AKAP9: variants seen among roughly 807,000 people sequenced by gnomAD.
AKAP9 encodes the protein A-kinase anchoring protein 9, also known as A-kinase anchor protein 9.
In AKAP9, 311 loss-of-function variants were observed where a neutral mutation model predicts 488.5. The ratio of observed to expected loss-of-function variants is 0.64; its 90% CI spans 0.58 to 0.70. AKAP9 has a LOEUF of 0.70. AKAP9 is among the 30% of genes least tolerant of loss of function. The pLI is 0.00. For synonymous variants in AKAP9, 1,462 were observed against 1,483.5 expected (o/e 0.99, Z 0.33); for missense variants, 4,215 against 4,374.5 (o/e 0.96, Z 1.03).
rs776314770 is a variant in AKAP9 at position 92,084,948 on chromosome 7, A to G, written c.8832+8A>G. 6.2e-7 allele frequency: 1 copy of G among 1,612,258 alleles called. No individual in the cohort carries two copies. Among genetic ancestry groups the G allele is most frequent in the East Asian group, 2.2e-5 (1 of 44,754 alleles). Reference sequence around the variant, plus strand: ...TTTCCAAAGAAAATAAAGGTACTAAAAGATAGATACCTTTTATTAACTCAG... The same window carrying G: ...TTTCCAAAGAAAATAAAGGTACTAAGAGATAGATACCTTTTATTAACTCAG... On this transcript the variant is annotated splice_region_variant and intron_variant, in intron 35 of 49. Coordinates refer to ENST00000356239, the MANE Select transcript of AKAP9 (RefSeq NM_005751.5).
In AKAP9 at chr7:92,110,273, TTA is replaced by T; in HGVS notation, c.*116_*117del. On this transcript the variant is annotated 3_prime_UTR_variant, in exon 50 of 50. Transcript: ENST00000356239. Reference sequence around the variant, plus strand: ...TCAATGGGACCAATATGAACACAGCTTATGATTGTATACAAATCCCTTGCCAG... The same window carrying T: ...TCAATGGGACCAATATGAACACAGCTTGATTGTATACAAATCCCTTGCCAG... 1 of 852,140 alleles carries T rather than the reference TTA, an allele frequency of 1.2e-6. No homozygotes were observed. Among genetic ancestry groups the T allele is most frequent in the Non-Finnish European group, 1.9e-6 (1 of 522,466 alleles). The allele number at this position is 852,140 out of a possible 1,614,324, so 52.8% of individuals were successfully genotyped here.
rs1562918532 is a variant in AKAP9, at chr7:91,973,700, T to C, written c.49-11T>C. 1.9e-6 allele frequency: 3 copies of C among 1,613,256 alleles called. No individual in the cohort carries two copies. The highest frequency in any genetic ancestry group is 2.2e-5 in the East Asian group (1 of 44,862). Reference sequence around the variant, plus strand: ...ATCTTTGACAATAACGGTTATTTTCTTTTTTCTTAGCTTGCCCAGTTTCGA... The same window carrying C: ...ATCTTTGACAATAACGGTTATTTTCCTTTTTCTTAGCTTGCCCAGTTTCGA... On this transcript the variant is annotated splice_polypyrimidine_tract_variant and intron_variant, in intron 1 of 49. Transcript: ENST00000356239.
At chr7:92,021,639 A>G (rs756634265) in intron 12 of AKAP9, among the ~76,000 whole-genome samples, 8 of 151,972 alleles carry the variant, frequency 5.3e-5, no homozygotes, top group Non-Finnish European at 1.2e-4. Flanking sequence ...GGGTTTCACT[A>G]TGTTGGCCAG....
intron 21 of AKAP9, among the ~76,000 whole-genome samples, chr7:92,046,867 C>T (rs1432742023): frequency 1.3e-5 from 2 of 152,146 alleles, no homozygotes; most frequent in African/African-American, 4.8e-5. Context: ...AGGTTGACTG[C>T]CATATTCAGA....
intron 16 of AKAP9, among the ~76,000 whole-genome samples, chr7:92,033,557 C>T (rs1584240837): frequency 1.3e-5 from 2 of 151,698 alleles, no homozygotes; most frequent in South Asian, 4.2e-4. Flanking sequence ...GCCATCCTCC[C>T]ACCTGAGCCT....
At position 92,079,762 on chromosome 7, in the gene AKAP9, A is replaced by G. The variant is rs1813208943; in HGVS notation, c.7629A>G (p.Leu2543=). ...TEMLQKKIVN[L]QKIVEEKVAA... is the part of the protein sequence containing the mutation. ...TGCTTCAAAAGAAGATTGTAAACCT[A>G]CAGAAAATAGTTGAAGAAAAAGTGG... Residue 2543 remains leucine, a synonymous_variant, in exon 31 of 50, where the codon CTA becomes CTG. Coordinates refer to ENST00000356239, the MANE Select transcript of AKAP9 (RefSeq NM_005751.5). 2 of 1,614,002 alleles carry G rather than the reference A, an allele frequency of 1.2e-6. No homozygotes were observed. The highest frequency in any genetic ancestry group is 1.3e-5 in the African/African-American group (1 of 74,936).
chr7:91,977,619 T>A (rs1795873058), intron 2 of AKAP9, among the ~76,000 whole-genome samples: 2 of 152,210 alleles, frequency 1.3e-5, no homozygotes, highest in South Asian at 4.1e-4. Flanking sequence ...ATATCTGTGT[T>A]CCTCAGGGAC....
At chr7:92,049,359 C>T (rs1346749846) in intron 21 of AKAP9, among the ~76,000 whole-genome samples, 1 of 152,098 alleles carries the variant, frequency 6.6e-6, no homozygotes, top group South Asian at 2.1e-4. Context: ...CACCTGTAAT[C>T]GCAGCACTTT....
intron 1 of AKAP9, among the ~76,000 whole-genome samples, chr7:91,955,229 G>T (rs1050345813): frequency 1.3e-5 from 2 of 152,098 alleles, no homozygotes; most frequent in African/African-American, 4.8e-5. Flanking sequence ...GCACTGACCA[G>T]TTCCCTCAGA....
At chr7:92,101,166 G>C in intron 45 of AKAP9, 110 bp downstream of exon 45, 1 of 1,064,120 alleles carries the variant, frequency 9.4e-7, no homozygotes, top group Non-Finnish European at 1.3e-6. Context: ...GCCTGGCACA[G>C]TGGTTCACGC....
intron 24 of AKAP9, among the ~76,000 whole-genome samples, chr7:92,062,885 G>T (rs1810129046): frequency 6.6e-6 from 1 of 152,124 alleles, no homozygotes; most frequent in Non-Finnish European, 1.5e-5. Context: ...AGCAGGTGGA[G>T]GGGTTTTTTG....
At chr7:92,108,939 G>A (rs890590218) in intron 49 of AKAP9, 10 of 460,334 alleles carry the variant, frequency 2.2e-5, no homozygotes, top group Non-Finnish European at 4.0e-5. Context: ...GGTACTCTGA[G>A]TCTACAGAGC....
intron 1 of AKAP9, among the ~76,000 whole-genome samples, chr7:91,955,836 G>T (rs1388893456): frequency 6.6e-6 from 1 of 152,078 alleles, no homozygotes; most frequent in African/African-American, 2.4e-5. Context: ...GTCTCGCCGT[G>T]TTGGCCAGGC....
Position 91,992,766 on chromosome 7 carries a change from A to C in AKAP9, c.406-119A>C. The stretch of plus-strand genomic sequence containing the variant: ...TAACGAAGTAGGTTGCCATACCATA[A>C]TCTTCCAGGTGGTGAGTGATGTTTT... On this transcript the variant is annotated intron_variant, in intron 4 of 49. Transcript: ENST00000356239. The C allele has an allele frequency of 4.3e-6, 4 of 939,452 alleles. No individual in the cohort carries two copies. The South Asian group carries it at 5.7e-5, about 13-fold the overall frequency. The allele number at this position is 939,452 out of a possible 1,614,324, so 58.2% of individuals were successfully genotyped here.
At chr7:92,054,518 G>A (rs1175013150) in intron 22 of AKAP9, among the ~76,000 whole-genome samples, 4 of 152,046 alleles carry the variant, frequency 2.6e-5, no homozygotes. Context: ...TGGGGACCAA[G>A]TAAAGTTTAC....
chr7:91,979,131 G>A (rs1049077435), intron 2 of AKAP9, among the ~76,000 whole-genome samples: 61 of 151,922 alleles, frequency 4.0e-4, no homozygotes, highest in African/African-American at 1.4e-3. Flanking sequence ...AAGAGGTACG[G>A]TAGTTCCTCC....
At chr7:91,986,630 AGTATGG>A (rs1487530461) in intron 3 of AKAP9, among the ~76,000 whole-genome samples, 1 of 152,220 alleles carries the variant, frequency 6.6e-6, no homozygotes, top group African/African-American at 2.4e-5. Context: ...GTTAATTAAT[AGTATGG>A]GAAATTCTTG....
intron 1 of AKAP9, among the ~76,000 whole-genome samples, chr7:91,954,139 A>G (rs528551320): frequency 3.4e-4 from 51 of 152,000 alleles, no homozygotes; most frequent in Non-Finnish European, 5.9e-4. Flanking sequence ...TCTCTCCATC[A>G]TTTTTTCTCT....
At chr7:92,073,462 C>T (rs549823051) in intron 28 of AKAP9, among the ~76,000 whole-genome samples, 19 of 151,602 alleles carry the variant, frequency 1.3e-4, no homozygotes, top group African/African-American at 2.4e-4. Flanking sequence ...GCCAAGATCA[C>T]GCCACTGCAC....
Sources: allele counts gnomAD v4.1 joint callset (sites outside exome capture counted in the v4.1 genomes callset), GRCh38; gene constraint gnomAD v4.1.1; transcripts MANE v1.5; gene names NCBI Gene and HGNC (gene_info 2026-07-23, HGNC 2026-07-21).